ZFHX3: variants seen among roughly 807,000 people sequenced by gnomAD.
ZFHX3 encodes the protein zinc finger homeobox 3.
ZFHX3 carries 42 observed loss-of-function variants against 279.1 expected under a neutral mutation model. That is an observed-to-expected ratio of 0.15 (90% confidence interval 0.12 to 0.19). The LOEUF (loss-of-function observed/expected upper bound fraction) is 0.19. ZFHX3 is among the 10% of genes least tolerant of loss of function. The pLI is 1.00. For missense variants in ZFHX3, 4,981 were observed against 4,754.0 expected, an observed-to-expected ratio of 1.05 and a Z score of -1.40; for synonymous variants, 2,293 against 1,957.8, an observed-to-expected ratio of 1.17 and a Z score of -4.52.
In ZFHX3 at chr16:72,958,863, G is replaced by T. The variant is rs376681846; in HGVS notation, c.1283C>A (p.Thr428Asn). 1 of 1,613,526 alleles carries T rather than the reference G, an allele frequency of 6.2e-7. No individual in the cohort carries two copies. The highest frequency in any genetic ancestry group is 1.7e-5 in the Admixed American group (1 of 59,988). Residue 428 changes from threonine to asparagine, a missense_variant, in exon 2 of 10, where the codon ACC becomes AAC. Thr to Asn is a moderately conservative substitution (Grantham distance 65, BLOSUM62 0). Transcript: ENST00000268489. ...VPLGPLASSP[T>N]KSSEGKDSGA... ...AGAGTCCTTGCCCTCTGAGGATTTG[G>T]TAGGACTGGAAGCCAGAGGCCCCAG...
chr16:72,844,144 A>C lies in ZFHX3; in HGVS notation c.3449-14285T>G, dbSNP rs147408498. On this transcript the variant is annotated intron_variant, in intron 4 of 9. Transcript: ENST00000268489. ...ATCATCGATATTCTGGATCAGGGTG[A>C]GGTCCAAGGCACTGCTGACAGGGTT... 2.1e-3 allele frequency among the ~76,000 whole-genome samples: 321 copies of C among 152,308 alleles called. 1 individual carries two copies. Among genetic ancestry groups the C allele is most frequent in the African/African-American group, 7.4e-3 (307 of 41,562 alleles).
At position 73,132,119 on chromosome 16, in the gene ZFHX3, C is replaced by G. The variant is rs561067502; in HGVS notation, c.-1023-1025G>C. Among the ~76,000 whole-genome samples, 6 of 152,220 alleles carry G rather than the reference C, an allele frequency of 3.9e-5. No individual in the cohort carries two copies. The East Asian group carries it at 7.7e-4, about 20-fold the overall frequency. On this transcript the variant is annotated intron_variant, in intron 6 of 17. Coordinates refer to the ZFHX3 transcript ENST00000641206. ...TGGGCAACATAGTGAAACCCCATCT[C>G]TACAAAAATTTAAAAATTAGCCCCA...
At chr16:73,188,674 C>T (rs567363973) in intron 5 of ZFHX3, among the ~76,000 whole-genome samples, 9 of 152,156 alleles carry the variant, frequency 5.9e-5, no homozygotes, top group Admixed American at 1.3e-4. Context: ...AAAATATTTC[C>T]GCTATTTTGC....
At position 72,820,516 on chromosome 16, in the gene ZFHX3, C is replaced by T. The variant is rs185116635; in HGVS notation, c.3530-8478G>A. ...TAAATTATAGGCACTGGACTGCCAC[C>T]GTGAGCCCGGCTCATGCCAGGATTT... On this transcript the variant is annotated intron_variant, in intron 5 of 9. Coordinates refer to ENST00000268489, the MANE Select transcript of ZFHX3 (RefSeq NM_006885.4). Among the ~76,000 whole-genome samples the T allele has an allele frequency of 4.7e-4, 71 of 152,330 alleles. No homozygotes were observed. The East Asian group carries it at 0.013, about 28-fold the overall frequency.
chr16:73,696,849 T>C (rs942125178), intron 1 of ZFHX3, among the ~76,000 whole-genome samples: 1 of 152,194 alleles, frequency 6.6e-6, no homozygotes, highest in African/African-American at 2.4e-5. Flanking sequence ...AGAGGCTATT[T>C]AAACATAGGT....
At position 72,867,728 on chromosome 16, in the gene ZFHX3, A is replaced by G. The variant is rs867262778; in HGVS notation, c.3448+22003T>C. 2.3e-3 allele frequency among the ~76,000 whole-genome samples: 345 copies of G among 149,162 alleles called. 3 individuals carry two copies. Among genetic ancestry groups the G allele is most frequent in the African/African-American group, 8.0e-3 (330 of 41,396 alleles). On this transcript the variant is annotated intron_variant, in intron 4 of 9. Transcript: ENST00000268489. ...GAGTAGACTCTTTGACAGGGGAAAA[A>G]AAAAAAAAGAAGAAGAAGAAGGGAT...
intron 1 of ZFHX3, among the ~76,000 whole-genome samples, chr16:72,976,698 C>G (rs1244172008): frequency 1.3e-5 from 2 of 152,220 alleles, no homozygotes; most frequent in African/African-American, 4.8e-5. Flanking sequence ...ATTCCAGAGT[C>G]TACCTGCTCT....
At position 72,889,722 on chromosome 16, in the gene ZFHX3, A is replaced by T. The variant is rs773148217; in HGVS notation, c.3448+9T>A. On this transcript the variant is annotated intron_variant, in intron 4 of 9. Coordinates refer to ENST00000268489, the MANE Select transcript of ZFHX3 (RefSeq NM_006885.4). ...AACCTGGGCCTCCCATGCCTGTGAG[A>T]CCACTCACCTGGGTCCGTGGAGGGG... 5.0e-6 allele frequency: 8 copies of T among 1,610,960 alleles called. No homozygotes were observed. The African/African-American group carries it at 1.1e-4, about 22-fold the overall frequency.
At chr16:72,864,277 G>C (rs1178280494) in intron 4 of ZFHX3, among the ~76,000 whole-genome samples, 2 of 152,054 alleles carry the variant, frequency 1.3e-5, no homozygotes, top group Admixed American at 6.6e-5. Context: ...AGCTGCACAA[G>C]AGCTGGGGCC....
At chr16:73,160,727 T>A (rs1029547118) in intron 5 of ZFHX3, among the ~76,000 whole-genome samples, 1 of 151,876 alleles carries the variant, frequency 6.6e-6, no homozygotes, top group Non-Finnish European at 1.5e-5. Flanking sequence ...AAAATAGGAA[T>A]CCTGTCACGG....
At chr16:73,542,816 G>T (rs1051992115) in intron 2 of ZFHX3, among the ~76,000 whole-genome samples, 1 of 152,032 alleles carries the variant, frequency 6.6e-6, no homozygotes, top group African/African-American at 2.4e-5. Flanking sequence ...AATTTAATTG[G>T]CATGTTGTAT....
chr16:73,235,404 C>G (rs2012912232), intron 5 of ZFHX3, among the ~76,000 whole-genome samples: 1 of 152,156 alleles, frequency 6.6e-6, no homozygotes, highest in Admixed American at 6.5e-5. Context: ...ATTTTAACCA[C>G]TCTATCCTCA....
intron 2 of ZFHX3, among the ~76,000 whole-genome samples, chr16:73,490,081 T>C (rs1488876860): frequency 6.6e-6 from 1 of 152,254 alleles, no homozygotes; most frequent in African/African-American, 2.4e-5. Flanking sequence ...ATTGCAGCTA[T>C]TCAAATACTT....
Position 72,999,695 on chromosome 16 carries a change from G to A in ZFHX3, c.-49-39501C>T, listed in dbSNP as rs149556188. 3.9e-3 allele frequency among the ~76,000 whole-genome samples: 593 copies of A among 152,292 alleles called. 3 individuals are homozygous for A. The highest frequency in any genetic ancestry group is 6.5e-3 in the Non-Finnish European group (440 of 68,034). On this transcript the variant is annotated intron_variant, in intron 1 of 9. Transcript: ENST00000268489. ...TTGGGCACGATACAAGTCAGACATG[G>A]GACAGCCTTCGATGCCAGCGTGGGC... is the stretch of plus-strand genomic sequence containing the variant.
intron 7 of ZFHX3, among the ~76,000 whole-genome samples, chr16:73,096,529 A>G (rs1597155224): frequency 6.6e-6 from 1 of 151,438 alleles, no homozygotes; most frequent in East Asian, 1.9e-4. Context: ...CAGCCTCCCA[A>G]GTAGCTGGGA....
rs1044939265 is a variant in ZFHX3, at chr16:73,055,250, G to GT, written c.-24+3279dup. Among the ~76,000 whole-genome samples, 17 of 152,014 alleles carry GT rather than the reference G, an allele frequency of 1.1e-4. No homozygotes were observed. In the East Asian group the frequency reaches 3.3e-3, roughly 29 times the overall value. On this transcript the variant is annotated intron_variant, in intron 1 of 8. Coordinates refer to the ZFHX3 transcript ENST00000397992. ...ACCTTATTTGCCTGAACTCAATAGG[G>GT]TTTTTTTCTCCCCCTCCTCCCGGGT...
Position 73,019,377 on chromosome 16 carries a change from TGTGC to T in ZFHX3, c.-50+28371_-50+28374del, listed in dbSNP as rs778879327. Among the ~76,000 whole-genome samples, 968 of 152,116 alleles carry T rather than the reference TGTGC, an allele frequency of 6.4e-3. 5 individuals carry two copies. Among genetic ancestry groups the T allele is most frequent in the Non-Finnish European group, 9.7e-3 (662 of 67,962 alleles). On this transcript the variant is annotated intron_variant, in intron 1 of 9. Transcript: ENST00000268489. Reference sequence around the variant, plus strand: ...GTGTGTGTGTGTGTGTGCGTGTGCGTGTGCGTGTCTGCACGCGCACCTGAGTGCA... The same window carrying T: ...GTGTGTGTGTGTGTGTGCGTGTGCGTGTGTCTGCACGCGCACCTGAGTGCA...
rs142352401 is a variant in ZFHX3 at position 73,097,974 on chromosome 16, C to T, written c.-896-4376G>A. On this transcript the variant is annotated intron_variant, in intron 7 of 17. Transcript: ENST00000641206. ...TATACCACATTATGTTTATCCACTC[C>T]CCTGTTGATGGACGCTTGGGTTGTT... 5.0e-4 allele frequency among the ~76,000 whole-genome samples: 76 copies of T among 152,228 alleles called. No individual in the cohort carries two copies. The East Asian group carries it at 0.014, about 29-fold the overall frequency.
Position 72,934,461 on chromosome 16 carries a change from GAGA to G in ZFHX3, c.3216+16005_3216+16007del, listed in dbSNP as rs141970378. Among the ~76,000 whole-genome samples the G allele has an allele frequency of 2.6e-4, 39 of 152,270 alleles. No homozygotes were observed. In the East Asian group the frequency reaches 7.2e-3, roughly 28 times the overall value. On this transcript the variant is annotated intron_variant, in intron 3 of 9. Coordinates refer to ENST00000268489, the MANE Select transcript of ZFHX3 (RefSeq NM_006885.4). ...AACAGAGTAGTATCCACAAGTATGT[GAGA>G]AGAAGTTCCAGTTATTAAAATTATT...
Sources: allele counts gnomAD v4.1 joint callset (sites outside exome capture counted in the v4.1 genomes callset), GRCh38; gene constraint gnomAD v4.1.1; transcripts MANE v1.5; gene names NCBI Gene and HGNC (gene_info 2026-07-23, HGNC 2026-07-21).